Variants in TMEFF2 observed in about 807,000 individuals in gnomAD.
TMEFF2 encodes transmembrane protein with EGF like and two follistatin like domains 2, also known as tomoregulin-2.
Under a neutral mutation model 53.8 loss-of-function variants are expected in TMEFF2, and 28 were observed. That is an observed-to-expected ratio of 0.52 (90% CI 0.39 to 0.71). TMEFF2 has a LOEUF of 0.71. TMEFF2 is among the 30% of genes least tolerant of loss of function. The pLI, the probability that TMEFF2 is intolerant of heterozygous loss-of-function variation, is 0.00. For missense variants in TMEFF2, 353 were observed against 455.2 expected (o/e 0.78, Z 2.04); for synonymous variants, 162 against 166.3 (o/e 0.97, Z 0.20).
At chr2:192,018,886 T>C (rs1171758348) in intron 5 of TMEFF2, among the ~76,000 whole-genome samples, 1 of 119,812 alleles carries the variant, frequency 8.3e-6, no homozygotes, top group Non-Finnish European at 1.8e-5. Context: ...TATGCTGAGA[T>C]CTTATTCTTA....
intron 4 of TMEFF2, among the ~76,000 whole-genome samples, chr2:192,112,685 T>A (rs1689311489): frequency 6.6e-6 from 1 of 152,120 alleles, no homozygotes. Flanking sequence ...ATGATATGGT[T>A]GGGCTATGTC....
intron 4 of TMEFF2, among the ~76,000 whole-genome samples, chr2:192,105,480 AC>A (rs1378906461): frequency 6.6e-6 from 1 of 151,850 alleles, no homozygotes; most frequent in African/African-American, 2.4e-5. Context: ...ATCCCTCACA[AC>A]CACCCTTCGA....
At chr2:192,052,215 C>T (rs1339744599) in intron 5 of TMEFF2, among the ~76,000 whole-genome samples, 1 of 152,202 alleles carries the variant, frequency 6.6e-6, no homozygotes, top group Non-Finnish European at 1.5e-5. Flanking sequence ...TGTCATCTGG[C>T]TGCATCTGCT....
At chr2:192,039,218 T>C (rs1016029729) in intron 5 of TMEFF2, among the ~76,000 whole-genome samples, 6 of 152,066 alleles carry the variant, frequency 3.9e-5, no homozygotes, top group African/African-American at 1.2e-4. Flanking sequence ...TGAGGATTTA[T>C]AGGAAAAAAA....
chr2:192,132,894 G>A (rs1000246111), intron 4 of TMEFF2, among the ~76,000 whole-genome samples: 6 of 152,102 alleles, frequency 3.9e-5, no homozygotes, highest in African/African-American at 7.2e-5. Flanking sequence ...GAAGACTGAC[G>A]CTGCCTGATC....
chr2:192,157,405 G>T (rs1690530740), intron 4 of TMEFF2, among the ~76,000 whole-genome samples: 3 of 151,906 alleles, frequency 2.0e-5, no homozygotes, highest in African/African-American at 7.2e-5. Flanking sequence ...TCTTAAATAA[G>T]TTAATGTATA....
chr2:191,993,593 C>T (rs184850018), intron 7 of TMEFF2, among the ~76,000 whole-genome samples: 52 of 152,118 alleles, frequency 3.4e-4, no homozygotes, highest in African/African-American at 1.1e-3. Flanking sequence ...ACTCCTGTTC[C>T]TGTTCAACCT....
chr2:192,032,173 G>A (rs932538205), intron 5 of TMEFF2, among the ~76,000 whole-genome samples: 2 of 152,148 alleles, frequency 1.3e-5, no homozygotes, highest in African/African-American at 4.8e-5. Flanking sequence ...TATTGTCTAA[G>A]TTGAAGTTAC....
In TMEFF2 at chr2:192,180,181, C is replaced by T. The variant is rs894358364; in HGVS notation, c.413-487G>A. ...TTTATATGGGTGTTGATATGTTTTA[C>T]GAATACCACAATTGTGGATGATTCC... On this transcript the variant is annotated intron_variant, in intron 3 of 9. Transcript: ENST00000272771. Among the ~76,000 whole-genome samples the T allele has an allele frequency of 5.3e-5, 8 of 151,562 alleles. No homozygotes were observed. The East Asian group carries it at 5.8e-4, about 11-fold the overall frequency.
At chr2:191,957,301 G>C (rs1397394002) in intron 7 of TMEFF2, among the ~76,000 whole-genome samples, 1 of 152,022 alleles carries the variant, frequency 6.6e-6, no homozygotes, top group East Asian at 1.9e-4. Flanking sequence ...TCTGAAATAT[G>C]ATATTCTTGA....
At chr2:192,118,935 T>C (rs1689480371) in intron 4 of TMEFF2, among the ~76,000 whole-genome samples, 1 of 152,168 alleles carries the variant, frequency 6.6e-6, no homozygotes, top group Admixed American at 6.6e-5. Context: ...TAGGTAAGCA[T>C]ACTACTTGAC....
chr2:192,161,821 G>C (rs889919119), intron 4 of TMEFF2, among the ~76,000 whole-genome samples: 1 of 152,072 alleles, frequency 6.6e-6, no homozygotes, highest in African/African-American at 2.4e-5. Context: ...AATGGTGTTC[G>C]ATAAAGCATA....
chr2:192,157,405 G>A (rs1690530740), intron 4 of TMEFF2, among the ~76,000 whole-genome samples: 1 of 151,906 alleles, frequency 6.6e-6, no homozygotes, highest in Non-Finnish European at 1.5e-5. Context: ...TCTTAAATAA[G>A]TTAATGTATA....
chr2:192,152,718 A>T (rs1356223165), intron 4 of TMEFF2, among the ~76,000 whole-genome samples: 4 of 151,956 alleles, frequency 2.6e-5, no homozygotes, highest in African/African-American at 4.8e-5. Context: ...TGATCCATTT[A>T]TAATATTGGC....
chr2:192,120,344 T>C (rs1689519777), intron 4 of TMEFF2, among the ~76,000 whole-genome samples: 2 of 152,182 alleles, frequency 1.3e-5, no homozygotes, highest in Admixed American at 1.3e-4. Flanking sequence ...CACCTTTTCA[T>C]GGAAAGAGCG....
At chr2:192,190,273 G>A (rs562975890) in intron 2 of TMEFF2, among the ~76,000 whole-genome samples, 1 of 151,412 alleles carries the variant, frequency 6.6e-6, no homozygotes, top group South Asian at 2.1e-4. Flanking sequence ...GTTTTTCCTG[G>A]TTCATTTGAT....
At chr2:192,170,259 G>T (rs1358409903) in intron 4 of TMEFF2, among the ~76,000 whole-genome samples, 5 of 152,022 alleles carry the variant, frequency 3.3e-5, no homozygotes, top group East Asian at 1.9e-4. Context: ...ACTTAAATCA[G>T]TGTGTCAGAA....
chr2:192,038,616 A>G (rs1358959969), intron 5 of TMEFF2, among the ~76,000 whole-genome samples: 2 of 151,738 alleles, frequency 1.3e-5, no homozygotes, highest in African/African-American at 2.4e-5. Context: ...CTCAGCTTCC[A>G]GAGTAGCTGG....
At chr2:191,984,922 T>A (rs1685941517) in intron 7 of TMEFF2, among the ~76,000 whole-genome samples, 1 of 152,078 alleles carries the variant, frequency 6.6e-6, no homozygotes, top group Admixed American at 6.6e-5. Flanking sequence ...ATCTAATTTT[T>A]AAAAATATTA....
Sources: gnomAD v4.1 joint callset for allele counts (sites outside exome capture counted in the v4.1 genomes callset) on GRCh38, gnomAD v4.1.1 for gene constraint, MANE v1.5 for transcripts, NCBI Gene and HGNC (gene_info 2026-07-23, HGNC 2026-07-21) for gene names.